MED23: variants seen among roughly 807,000 people sequenced by gnomAD.
MED23 encodes mediator of RNA polymerase II transcription subunit 23.
A neutral mutation model predicts 163.9 loss-of-function variants in MED23; 105 were observed. The ratio of observed to expected loss-of-function variants is 0.64; its 90% confidence interval spans 0.55 to 0.75. The LOEUF (loss-of-function observed/expected upper bound fraction) is 0.75, where lower values mean the gene tolerates loss of function less well. Ranked by LOEUF, MED23 falls within the 30% of genes least tolerant of loss-of-function variation. MED23 has a pLI of 0.00. For synonymous variants in MED23, 561 were observed against 565.6 expected (o/e 0.99, Z 0.12); for missense variants, 1,054 against 1,649.0 (o/e 0.64, Z 6.25).
At chr6:131,616,653 TACAAAAAAC>T (rs1776711725) in intron 9 of MED23, among the ~76,000 whole-genome samples, 2 of 152,124 alleles carry the variant, frequency 1.3e-5, no homozygotes, top group South Asian at 2.1e-4. Context: ...ACCCCATCTC[TACAAAAAAC>T]ACAAAAAACT....
At chr6:131,607,373 T>C (rs1775932583) in intron 12 of MED23, among the ~76,000 whole-genome samples, 1 of 151,892 alleles carries the variant, frequency 6.6e-6, no homozygotes, top group Non-Finnish European at 1.5e-5. Context: ...GGCGAAACCC[T>C]GTCTCTACCA....
At position 131,627,234 on chromosome 6, in the gene MED23, T is replaced by C. The variant is rs1777567207; in HGVS notation, c.159+162A>G. On this transcript the variant is annotated intron_variant, in intron 3 of 28. Transcript: ENST00000368068. ...CAGGTTTTCCACTGAAATATACAAA[T>C]TAAAACAAATGGAAGCCAGAATAAA... 6 of 659,376 alleles carry C rather than the reference T, an allele frequency of 9.1e-6. No individual in the cohort carries two copies. The Admixed American group carries it at 1.8e-4, about 20-fold the overall frequency. 40.8% of individuals were successfully genotyped at this position (659,376 alleles called of 1,614,324 possible). A position where few individuals can be genotyped will look rare whatever the true frequency, so the allele number is the denominator to read the frequency against.
At chr6:131,589,716 T>A (rs1774447007) in intron 27 of MED23, 120 bp from the exon 28 acceptor site, 2 of 877,010 alleles carry the variant, frequency 2.3e-6, no homozygotes, top group Non-Finnish European at 3.8e-6. Flanking sequence ...TGTAGAACTG[T>A]CATATACCAT....
chr6:131,576,064 T>C (rs1368374749), intron 30 of MED23, among the ~76,000 whole-genome samples: 1 of 152,234 alleles, frequency 6.6e-6, no homozygotes, highest in East Asian at 1.9e-4. Flanking sequence ...CACTCTGTCT[T>C]GTTTTCCTAA....
rs140386725 is a variant in MED23 at position 131,602,991 on chromosome 6, T to C, written c.1931+39A>G. 7.5e-4 allele frequency: 1,204 copies of C among 1,604,630 alleles called. 4 individuals carry two copies. The African/African-American group carries it at 0.014, about 19-fold the overall frequency. On this transcript the variant is annotated intron_variant, in intron 16 of 28. Coordinates refer to ENST00000368068, the MANE Select transcript of MED23 (RefSeq NM_004830.4). ...AGAACCTCATCTCCAAGAAAGTTTC[T>C]AATAAATCTTAAGGAAAGATGGTCT...
At chr6:131,620,066 G>A (rs1333372535) in intron 7 of MED23, among the ~76,000 whole-genome samples, 170 bp from the exon 8 acceptor site, 2 of 151,866 alleles carry the variant, frequency 1.3e-5, no homozygotes, top group South Asian at 2.1e-4. Flanking sequence ...AAAATCACTC[G>A]CCAGTTCATC....
In MED23 at chr6:131,592,513, G is replaced by A. The variant is rs573849272; in HGVS notation, c.3399-53C>T. ...ATGAATTTATAAAAACATTTTAGAT[G>A]GCTGACAACGGATCTTATTTTTAAA... On this transcript the variant is annotated intron_variant, in intron 24 of 28. Coordinates refer to ENST00000368068, the MANE Select transcript of MED23 (RefSeq NM_004830.4). 5.7e-6 allele frequency: 8 copies of A among 1,406,200 alleles called. No individual in the cohort carries two copies. The Admixed American group carries it at 1.0e-4, about 18-fold the overall frequency. The allele number at this position is 1,406,200 out of a possible 1,614,324, so 87.1% of individuals were successfully genotyped here.
At chr6:131,625,848 C>T (rs971665373) in intron 3 of MED23, among the ~76,000 whole-genome samples, 1 of 151,918 alleles carries the variant, frequency 6.6e-6, no homozygotes, top group Non-Finnish European at 1.5e-5. Flanking sequence ...CTCAGCCGGG[C>T]GCGGTGGCTC....
intron 11 of MED23, among the ~76,000 whole-genome samples, chr6:131,609,325 C>T (rs1776088051): frequency 1.3e-5 from 2 of 152,036 alleles, no homozygotes; most frequent in African/African-American, 4.8e-5. Context: ...ATCTCATCAA[C>T]GATTTCCCCT....
chr6:131,592,187 T>G (rs978569763), intron 25 of MED23, among the ~76,000 whole-genome samples: 1 of 152,146 alleles, frequency 6.6e-6, no homozygotes, highest in Non-Finnish European at 1.5e-5. Context: ...TATATTTAGA[T>G]CTAATACAGA....
At chr6:131,594,654 G>C (rs535897543) in intron 22 of MED23, among the ~76,000 whole-genome samples, 1 of 152,218 alleles carries the variant, frequency 6.6e-6, no homozygotes, top group South Asian at 2.1e-4. Context: ...GTTTATACTA[G>C]CGAAAGATGA....
chr6:131,575,619 C>A (rs1271443593), intron 30 of MED23, among the ~76,000 whole-genome samples: 1 of 152,178 alleles, frequency 6.6e-6, no homozygotes, highest in East Asian at 1.9e-4. Context: ...ATGCCACAGC[C>A]CCAATCCTAA....
At chr6:131,574,882 G>A (rs905068404) in intron 30 of MED23, among the ~76,000 whole-genome samples, 6 of 152,156 alleles carry the variant, frequency 3.9e-5, no homozygotes, top group Admixed American at 2.6e-4. Context: ...TGTGCTCAAC[G>A]TCACACAGCC....
At chr6:131,615,705 A>G in intron 10 of MED23, 1 of 637,182 alleles carries the variant, frequency 1.6e-6, no homozygotes, top group South Asian at 1.7e-5. Context: ...CCAACTTTAA[A>G]AATTTTTCTT....
In MED23 at chr6:131,628,146, G is replaced by A. The variant is rs1777658354; in HGVS notation, c.-97C>T. On this transcript the variant is annotated 5_prime_UTR_variant, in exon 1 of 29. Coordinates refer to ENST00000368068, the MANE Select transcript of MED23 (RefSeq NM_004830.4). ...GGGCAGAGGGGCGGAGACCTCTGGAGGAAACCGTAGCTCCTCGGCGTCGCT... is the reference window on the plus strand; with the variant it reads ...GGGCAGAGGGGCGGAGACCTCTGGAAGAAACCGTAGCTCCTCGGCGTCGCT... 10 of 1,415,334 alleles carry A rather than the reference G, an allele frequency of 7.1e-6. No individual in the cohort carries two copies. Among genetic ancestry groups the A allele is most frequent in the Admixed American group, 6.7e-5 (4 of 59,598 alleles). 87.7% of individuals were successfully genotyped at this position (1,415,334 alleles called of 1,614,324 possible).
chr6:131,587,454 T>G lies in MED23; in HGVS notation c.*225A>C, dbSNP rs1774252787. ...TAGCTCTAATAAGTTGTTATGAATA[T>G]GAACAACATGTATCTTACTTGATCT... On this transcript the variant is annotated 3_prime_UTR_variant, in exon 29 of 29. Coordinates refer to ENST00000368068, the MANE Select transcript of MED23 (RefSeq NM_004830.4). 3.3e-5 allele frequency: 46 copies of G among 1,373,672 alleles called. No individual in the cohort carries two copies. The South Asian group carries it at 6.8e-4, about 20-fold the overall frequency. The allele number at this position is 1,373,672 out of a possible 1,614,324, so 85.1% of individuals were successfully genotyped here.
chr6:131,576,829 T>C (rs1219514905), intron 30 of MED23: 1 of 1,139,856 alleles, frequency 8.8e-7, no homozygotes, highest in East Asian at 2.5e-5. Flanking sequence ...TCTGGAATAT[T>C]TACATCAGAA....
intron 22 of MED23, 137 bp from the exon 23 acceptor site, chr6:131,594,472 T>C: frequency 2.7e-6 from 2 of 753,692 alleles, no homozygotes; most frequent in Admixed American, 1.8e-5. Context: ...GGCAATTGTA[T>C]ACTATGAATA....
In MED23 at chr6:131,587,284, T is replaced by C; in HGVS notation, c.*395A>G. On this transcript the variant is annotated 3_prime_UTR_variant, in exon 29 of 29. Transcript: ENST00000368068. ...AAATATTTGTAATAACTGTTTTACA[T>C]GTGTGGTGCCTTTAAAATAATATAT... 9.5e-7 allele frequency: 1 copy of C among 1,049,562 alleles called. No homozygotes were observed. Among genetic ancestry groups the C allele is most frequent in the Non-Finnish European group, 1.2e-6 (1 of 858,910 alleles). The allele number at this position is 1,049,562 out of a possible 1,614,324, so 65.0% of individuals were successfully genotyped here. A position where few individuals can be genotyped will look rare whatever the true frequency, so the allele number is the denominator to read the frequency against.
Sources: gnomAD v4.1 joint callset for allele counts (sites outside exome capture counted in the v4.1 genomes callset) on GRCh38, gnomAD v4.1.1 for gene constraint, MANE v1.5 for transcripts, NCBI Gene and HGNC (gene_info 2026-07-23, HGNC 2026-07-21) for gene names.